The following ELAVL4 variants were observed in gnomAD, a reference collection of about 807,000 sequenced individuals.
ELAVL4 encodes ELAV-like protein 4.
Under a neutral mutation model 35.6 loss-of-function variants are expected in ELAVL4, and 1 was observed. The observed-to-expected ratio is 0.03, with a 90% CI of 0.01 to 0.13. ELAVL4 has a LOEUF of 0.13. ELAVL4 is among the 10% of genes least tolerant of loss of function. ELAVL4 has a pLI of 1.00. For synonymous variants in ELAVL4, 156 were observed against 171.0 expected (o/e 0.91, Z 0.69); for missense variants, 267 against 464.9 (o/e 0.57, Z 3.91).
chr1:50,142,183 T>C (rs1339075572), intron 1 of ELAVL4, among the ~76,000 whole-genome samples: 1 of 152,144 alleles, frequency 6.6e-6, no homozygotes, highest in Admixed American at 6.5e-5. Flanking sequence ...AGCTAATAAG[T>C]GGTAAAACTA....
At chr1:50,193,975 C>G in intron 4 of ELAVL4, 57 bp downstream of exon 4, 1 of 1,587,092 alleles carries the variant, frequency 6.3e-7, no homozygotes, top group East Asian at 2.3e-5. Context: ...AGCCCTGTTA[C>G]TCATAAGAGC....
chr1:50,143,849 C>A (rs929000459), intron 1 of ELAVL4, among the ~76,000 whole-genome samples: 11 of 152,150 alleles, frequency 7.2e-5, no homozygotes, highest in African/African-American at 2.7e-4. Context: ...TGGGCTTCAT[C>A]TCGAATGTGA....
intron 1 of ELAVL4, among the ~76,000 whole-genome samples, chr1:50,071,721 A>G (rs1664533432): frequency 2.0e-5 from 3 of 152,160 alleles, no homozygotes; most frequent in Admixed American, 2.0e-4. Context: ...GGCAAGGGGT[A>G]CCAGAAGCCC....
At chr1:50,197,823 T>C (rs1023642399) in intron 6 of ELAVL4, among the ~76,000 whole-genome samples, 1 of 152,260 alleles carries the variant, frequency 6.6e-6, no homozygotes, top group African/African-American at 2.4e-5. Context: ...GCAAACTGTT[T>C]TGCATTAGCA....
At chr1:50,079,195 A>G (rs1232647234) in intron 1 of ELAVL4, among the ~76,000 whole-genome samples, 1 of 152,172 alleles carries the variant, frequency 6.6e-6, no homozygotes, top group Non-Finnish European at 1.5e-5. Context: ...CCAAGTAGCC[A>G]GAGCTACAGG....
chr1:50,180,840 A>G (rs899782510), intron 3 of ELAVL4: 1 of 152,220 alleles, frequency 6.6e-6, no homozygotes, highest in Non-Finnish European at 1.5e-5. Context: ...TTAATATGTT[A>G]GCATGAGCTT....
chr1:50,154,866 T>G (rs1675444513), intron 2 of ELAVL4, among the ~76,000 whole-genome samples: 1 of 151,920 alleles, frequency 6.6e-6, no homozygotes, highest in African/African-American at 2.4e-5. Flanking sequence ...GCTTATTAGA[T>G]AGTATGGAAA....
intron 3 of ELAVL4, among the ~76,000 whole-genome samples, chr1:50,191,179 C>G (rs1386099745): frequency 1.3e-5 from 2 of 152,192 alleles, no homozygotes; most frequent in Admixed American, 6.5e-5. Context: ...TCCTTTACAG[C>G]AAGAGACTAT....
At chr1:50,086,541 C>T (rs946350404) in intron 1 of ELAVL4, among the ~76,000 whole-genome samples, 6 of 150,380 alleles carry the variant, frequency 4.0e-5, no homozygotes, top group Non-Finnish European at 8.8e-5. Context: ...GCGGAGGAAC[C>T]CTTTAGCATA....
At chr1:50,135,239 C>A (rs918414230) in intron 1 of ELAVL4, among the ~76,000 whole-genome samples, 1 of 151,952 alleles carries the variant, frequency 6.6e-6, no homozygotes, top group African/African-American at 2.4e-5. Flanking sequence ...ATATAAGTTC[C>A]TTTTAGATTA....
intron 2 of ELAVL4, among the ~76,000 whole-genome samples, chr1:50,148,039 G>T (rs1674051073): frequency 6.6e-6 from 1 of 152,212 alleles, no homozygotes; most frequent in Admixed American, 6.5e-5. Flanking sequence ...AGTGTTATGT[G>T]CTGGGGACAT....
At chr1:50,050,477 A>G (rs1663294345) in intron 1 of ELAVL4, among the ~76,000 whole-genome samples, 1 of 152,202 alleles carries the variant, frequency 6.6e-6, no homozygotes, top group African/African-American at 2.4e-5. Flanking sequence ...TGTGCATTAT[A>G]TATCAATAAA....
chr1:50,189,508 T>A (rs1399675016), intron 3 of ELAVL4, among the ~76,000 whole-genome samples: 1 of 152,202 alleles, frequency 6.6e-6, no homozygotes, highest in Non-Finnish European at 1.5e-5. Flanking sequence ...TTAGAGGACA[T>A]TCATGTCAGT....
At chr1:50,168,262 T>C (rs1010926705) in intron 2 of ELAVL4, among the ~76,000 whole-genome samples, 4 of 152,036 alleles carry the variant, frequency 2.6e-5, no homozygotes, top group Non-Finnish European at 5.9e-5. Context: ...CCCAGCTTCA[T>C]CAGGGTGGCA....
intron 1 of ELAVL4, among the ~76,000 whole-genome samples, chr1:50,066,370 T>C (rs577079529): frequency 6.6e-6 from 1 of 152,312 alleles, no homozygotes; most frequent in Admixed American, 6.5e-5. Flanking sequence ...ATTTGAATAG[T>C]AAGTTTTCCT....
intron 2 of ELAVL4, among the ~76,000 whole-genome samples, chr1:50,173,437 C>T (rs1002844391): frequency 3.9e-5 from 6 of 152,190 alleles, no homozygotes; most frequent in Non-Finnish European, 8.8e-5. Flanking sequence ...TTGGAAAGTA[C>T]ATTCTGAATT....
At chr1:50,108,557 G>T (rs770342190), upstream of ELAVL4, among the ~76,000 whole-genome samples, 8 of 152,138 alleles carry the variant, frequency 5.3e-5, no homozygotes, top group Non-Finnish European at 1.0e-4. Flanking sequence ...CCATCAGAGA[G>T]GTGGCACGGT....
chr1:50,111,650 A>G (rs1177803270), intron 1 of ELAVL4, among the ~76,000 whole-genome samples: 1 of 152,042 alleles, frequency 6.6e-6, no homozygotes, highest in Non-Finnish European at 1.5e-5. Flanking sequence ...TCAGGCTTGC[A>G]CTCTCATAAC....
chr1:50,101,384 T>C (rs1557702026), upstream of ELAVL4, among the ~76,000 whole-genome samples: 3 of 152,216 alleles, frequency 2.0e-5, no homozygotes. Flanking sequence ...ATTTCTCCTA[T>C]TCCAAATTTA....
Sources: gnomAD v4.1 joint callset for allele counts (sites outside exome capture counted in the v4.1 genomes callset) on GRCh38, gnomAD v4.1.1 for gene constraint, MANE v1.5 for transcripts, NCBI Gene and HGNC (gene_info 2026-07-23, HGNC 2026-07-21) for gene names.